Variants in CTNNA3 observed in about 807,000 individuals in gnomAD.
CTNNA3 encodes the protein catenin alpha-3.
In CTNNA3, 76 loss-of-function variants were observed where a neutral mutation model predicts 95.7. That is an observed-to-expected ratio of 0.79 (90% CI 0.66 to 0.96). The LOEUF is 0.96. Among genes scored for constraint, CTNNA3 ranks in the 40% least tolerant of loss-of-function variants. The pLI is 0.00. For missense variants in CTNNA3, 1,191 were observed against 1,089.8 expected (o/e 1.09, Z -1.31); for synonymous variants, 431 against 374.4 (o/e 1.15, Z -1.74).
intron 1 of CTNNA3, among the ~76,000 whole-genome samples, chr10:67,713,813 A>AT (rs1446683521): frequency 6.6e-6 from 1 of 152,206 alleles, no homozygotes; most frequent in Non-Finnish European, 1.5e-5. Context: ...GATGGAGAGC[A>AT]TTAAGACAAA....
intron 5 of CTNNA3, among the ~76,000 whole-genome samples, chr10:67,385,836 C>CA (rs34264491): frequency 0.05 from 4,205 of 83,390 alleles, 178 homozygotes; most frequent in African/African-American, 0.15. Flanking sequence ...TGAAGGATCT[C>CA]AAAAAAAAAA....
intron 10 of CTNNA3, among the ~76,000 whole-genome samples, chr10:66,618,109 T>C (rs1049855535): frequency 3.9e-5 from 6 of 152,110 alleles, no homozygotes; most frequent in Admixed American, 1.3e-4. Context: ...ATAGGAAGAA[T>C]CAATATTGTG....
In CTNNA3 at chr10:65,914,051, C is replaced by G. The variant is rs888604196; in HGVS notation, c.*6279G>C. ...ACCAGAACTAAAAATAACCATCCTT[C>G]TTGAAAATGCCAAGGAAATAAACTT... On this transcript the variant is annotated 3_prime_UTR_variant, in exon 18 of 18. Coordinates refer to ENST00000433211, the MANE Select transcript of CTNNA3 (RefSeq NM_013266.4). The G allele has an allele frequency of 6.6e-6, 1 of 152,146 alleles. No individual in the cohort carries two copies. The highest frequency in any genetic ancestry group is 2.4e-5 in the African/African-American group (1 of 41,448). The allele number at this position is 152,146 out of a possible 1,614,324, so 9.4% of individuals were successfully genotyped here.
At chr10:66,916,469 T>C (rs905553897) in intron 7 of CTNNA3, among the ~76,000 whole-genome samples, 1 of 152,210 alleles carries the variant, frequency 6.6e-6, no homozygotes, top group Non-Finnish European at 1.5e-5. Context: ...TGAATGTTTT[T>C]AATACAGGCC....
At chr10:66,060,247 A>G (rs1357703787) in intron 15 of CTNNA3, among the ~76,000 whole-genome samples, 1 of 152,050 alleles carries the variant, frequency 6.6e-6, no homozygotes, top group African/African-American at 2.4e-5. Context: ...GAATTTACCT[A>G]AGAGGGAGAG....
intron 5 of CTNNA3, among the ~76,000 whole-genome samples, chr10:67,371,049 GT>G (rs937991118): frequency 2.7e-4 from 41 of 151,296 alleles, no homozygotes; most frequent in African/African-American, 9.4e-4. Flanking sequence ...TGTATTTTTA[GT>G]AGAGACGGGG....
At chr10:66,020,798 A>C (rs2079188008) in intron 15 of CTNNA3, among the ~76,000 whole-genome samples, 1 of 151,668 alleles carries the variant, frequency 6.6e-6, no homozygotes, top group Admixed American at 6.6e-5. Flanking sequence ...CAGCCTCCCG[A>C]GTAGCTGGGA....
At chr10:66,574,462 T>C (rs779332128) in intron 10 of CTNNA3, among the ~76,000 whole-genome samples, 1 of 152,052 alleles carries the variant, frequency 6.6e-6, no homozygotes, top group Non-Finnish European at 1.5e-5. Context: ...AATAAGATAA[T>C]TTAAAAAGAA....
At chr10:66,629,709 T>A (rs1845065550) in intron 9 of CTNNA3, among the ~76,000 whole-genome samples, 1 of 151,978 alleles carries the variant, frequency 6.6e-6, no homozygotes, top group African/African-American at 2.4e-5. Flanking sequence ...TCATGTGTAG[T>A]TCTTGTTCTC....
Position 67,741,224 on chromosome 10 carries a change from G to C in CTNNA3, c.-2+22210C>G, listed in dbSNP as rs1410922166. 2.7e-5 allele frequency among the ~76,000 whole-genome samples: 4 copies of C among 150,472 alleles called. No individual in the cohort carries two copies. In the East Asian group the frequency reaches 7.7e-4, roughly 29 times the overall value. On this transcript the variant is annotated intron_variant, in intron 1 of 17. Transcript: ENST00000684154. ...ACCTAATGCTAGATGACGAGTTAGT[G>C]GGTGCAGCGCACCAGCATGGCACAT...
In CTNNA3 at chr10:66,799,418, A is replaced by G. The variant is rs371969480; in HGVS notation, c.1048-23894T>C. ...TTTCCACAGAAAATTAGAATTAATC[A>G]TTTATGAGATAGATATTTTAAAACT... On this transcript the variant is annotated intron_variant, in intron 7 of 17. Transcript: ENST00000433211. Among the ~76,000 whole-genome samples, 10 of 151,778 alleles carry G rather than the reference A, an allele frequency of 6.6e-5. No homozygotes were observed. In the South Asian group the frequency reaches 1.0e-3, roughly 16 times the overall value.
At chr10:66,892,247 T>C (rs1845297769) in intron 7 of CTNNA3, among the ~76,000 whole-genome samples, 1 of 152,102 alleles carries the variant, frequency 6.6e-6, no homozygotes, top group African/African-American at 2.4e-5. Flanking sequence ...AACACTGAAC[T>C]TTTAATTACG....
intron 15 of CTNNA3, among the ~76,000 whole-genome samples, chr10:65,997,080 G>A (rs2078679718): frequency 6.6e-6 from 1 of 151,934 alleles, no homozygotes; most frequent in African/African-American, 2.4e-5. Flanking sequence ...GAAAGTCCAA[G>A]CCTAAGAAAT....
At chr10:66,642,519 C>A (rs963475266) in intron 9 of CTNNA3, among the ~76,000 whole-genome samples, 1 of 152,190 alleles carries the variant, frequency 6.6e-6, no homozygotes, top group South Asian at 2.1e-4. Context: ...ATGTGTTTAA[C>A]CTATCACTGT....
intron 11 of CTNNA3, among the ~76,000 whole-genome samples, chr10:66,426,553 T>C (rs4341425): frequency 0.38 from 58,047 of 151,892 alleles, 11,657 homozygotes; most frequent in African/African-American, 0.5. Flanking sequence ...TCTAGGCTGG[T>C]AGTGATTTTC....
intron 7 of CTNNA3, among the ~76,000 whole-genome samples, chr10:67,113,799 T>A (rs1241931347): frequency 6.6e-6 from 1 of 152,176 alleles, no homozygotes; most frequent in East Asian, 1.9e-4. Context: ...CTAACTTTGT[T>A]AATAAAACAA....
intron 5 of CTNNA3, among the ~76,000 whole-genome samples, chr10:67,322,037 G>A (rs1047679800): frequency 3.3e-5 from 5 of 151,734 alleles, no homozygotes; most frequent in African/African-American, 1.2e-4. Context: ...CTTATACACT[G>A]ACAAGGTCCT....
chr10:66,783,835 T>G (rs1053255678), intron 7 of CTNNA3, among the ~76,000 whole-genome samples: 2 of 152,160 alleles, frequency 1.3e-5, no homozygotes, highest in Non-Finnish European at 2.9e-5. Flanking sequence ...TTGTAAAAAT[T>G]TTATTGTCTG....
intron 7 of CTNNA3, among the ~76,000 whole-genome samples, chr10:66,784,560 C>T (rs1004963595): frequency 9.9e-5 from 15 of 152,110 alleles, no homozygotes; most frequent in Non-Finnish European, 2.1e-4. Context: ...TTGCCAGATT[C>T]TAATATTTGA....
Sources: allele counts gnomAD v4.1 joint callset (sites outside exome capture counted in the v4.1 genomes callset), GRCh38; gene constraint gnomAD v4.1.1; transcripts MANE v1.5; gene names NCBI Gene and HGNC (gene_info 2026-07-23, HGNC 2026-07-21).